COL4A5: variants seen among roughly 807,000 people sequenced by gnomAD.
COL4A5 encodes the protein collagen alpha-5(IV) chain.
Under a neutral mutation model 130.2 loss-of-function variants are expected in COL4A5, and 26 were observed. The observed-to-expected ratio is 0.20, with a 90% CI of 0.15 to 0.28. COL4A5 has a LOEUF of 0.28. Ranked by LOEUF, COL4A5 falls within the 10% of genes least tolerant of loss-of-function variation. COL4A5 has a pLI of 1.00. For synonymous variants in COL4A5, 496 were observed against 439.6 expected (o/e 1.13, Z -1.60); for missense variants, 1,131 against 1,344.3 (o/e 0.84, Z 2.48).
In COL4A5 at chrX:108,517,876, T is replaced by C. The variant is rs5973880; in HGVS notation, c.82-21870T>C. Among the ~76,000 whole-genome samples the C allele has an allele frequency of 4.0e-3, 447 of 111,224 alleles. 3 individuals carry two copies. Among genetic ancestry groups the C allele is most frequent in the African/African-American group, 0.013 (400 of 30,761 alleles). On this transcript the variant is annotated intron_variant, in intron 1 of 52. Transcript: ENST00000328300. ...TTTGAATACTCATAATATTTTATGT[T>C]TGTCTTATACCATTTATCTCATTCT... is the stretch of plus-strand genomic sequence containing the variant.
chrX:108,674,423 G>T, intron 42 of COL4A5: 1 of 198,608 alleles, frequency 5.0e-6, no homozygotes, highest in Non-Finnish European at 9.2e-6. Context: ...AATGTTTTGA[G>T]AAGCTAATTT....
rs146480148 is a variant in COL4A5, at chrX:108,501,583, C to T, written c.82-38163C>T. Among the ~76,000 whole-genome samples, 682 of 111,966 alleles carry T rather than the reference C, an allele frequency of 6.1e-3. 2 individuals are homozygous for T. Among genetic ancestry groups the T allele is most frequent in the East Asian group, 0.037 (132 of 3,563 alleles). On this transcript the variant is annotated intron_variant, in intron 1 of 52. Coordinates refer to ENST00000328300, the MANE Select transcript of COL4A5 (RefSeq NM_033380.3). ...TTCATTTCCTTTGCTCATTATTAGG[C>T]ACACTATAAGTATTGTGATATTTTC... is the stretch of plus-strand genomic sequence containing the variant.
intron 1 of COL4A5, among the ~76,000 whole-genome samples, chrX:108,534,077 T>C (rs931271091): frequency 2.7e-5 from 3 of 109,233 alleles, no homozygotes; most frequent in African/African-American, 1.0e-4. Flanking sequence ...AAGGGAACTC[T>C]TATATGCTGT....
chrX:108,673,055 C>A (rs986001224), intron 42 of COL4A5, among the ~76,000 whole-genome samples: 19 of 111,615 alleles, frequency 1.7e-4, no homozygotes, highest in African/African-American at 6.2e-4. Flanking sequence ...TATGACATGC[C>A]ACAATTTACA....
chrX:108,639,113 A>G (rs2067409753), intron 36 of COL4A5, among the ~76,000 whole-genome samples: 1 of 111,400 alleles, frequency 9.0e-6, no homozygotes, highest in Non-Finnish European at 1.9e-5. Flanking sequence ...AAAAAGAACC[A>G]GGTTGGAGGA....
In COL4A5 at chrX:108,599,457, A is replaced by ATGTGTGTGTG. The variant is rs112135923; in HGVS notation, c.1948+599_1948+608dup. Among the ~76,000 whole-genome samples, 3 of 106,596 alleles carry ATGTGTGTGTG rather than the reference A, an allele frequency of 2.8e-5. No individual in the cohort carries two copies. In the East Asian group the frequency reaches 9.0e-4, roughly 32 times the overall value. 92.6% of individuals were successfully genotyped at this position (106,596 alleles called of 115,157 possible). A position where few individuals can be genotyped will look rare whatever the true frequency, so the allele number is the denominator to read the frequency against. On this transcript the variant is annotated intron_variant, in intron 25 of 52. Coordinates refer to ENST00000328300, the MANE Select transcript of COL4A5 (RefSeq NM_033380.3). ...ATAGTATTTCATTGTATGTATGTTT[A>ATGTGTGTGTG]TGTGTGTGTGTGTGTGTGTGTTACA...
rs1156710426 is a variant in COL4A5 at position 108,524,515 on chromosome X, T to A, written c.82-15231T>A. On this transcript the variant is annotated intron_variant, in intron 1 of 52. Transcript: ENST00000328300. The stretch of plus-strand genomic sequence containing the variant: ...TTCATTTCATTAATTTCAGCTCAAA[T>A]CTTTATTATTTCCTTCTTTCTACTT... Among the ~76,000 whole-genome samples the A allele has an allele frequency of 2.7e-5, 3 of 111,329 alleles. No individual in the cohort carries two copies. In the Admixed American group the frequency reaches 2.9e-4, roughly 11 times the overall value.
At chrX:108,627,734 C>A in intron 36 of COL4A5, 1 of 201,773 alleles carries the variant, frequency 5.0e-6, no homozygotes, top group Non-Finnish European at 7.4e-6. Context: ...GTTTGCAAAC[C>A]CCAAATCCCC....
At position 108,597,555 on chromosome X, in the gene COL4A5, C is replaced by T. The variant is rs2066542878; in HGVS notation, c.1766C>T (p.Pro589Leu). 1.4e-5 allele frequency: 17 copies of T among 1,208,245 alleles called. No homozygotes were observed. Among genetic ancestry groups the T allele is most frequent in the East Asian group, 3.0e-5 (1 of 33,737 alleles). The change falls in exon 24 of 53, where the codon CCG becomes CTG. Residue 589 changes from proline (P) to leucine (L), a missense_variant. By Grantham distance (98) the Pro-to-Leu change is moderately conservative. Coordinates refer to ENST00000328300, the MANE Select transcript of COL4A5 (RefSeq NM_033380.3). ...GATGGATTGCCAGGGCTTCCTGGCCCGAAAGGAGAGCCTGTGAGTTGGTTT... is the reference window on the plus strand; with the variant it reads ...GATGGATTGCCAGGGCTTCCTGGCCTGAAAGGAGAGCCTGTGAGTTGGTTT... ...GQDGLPGLPG[P>L]KGEPGGITFK...
rs1256977625 is a variant in COL4A5, at chrX:108,607,748, T to A, written c.2395+856T>A. Among the ~76,000 whole-genome samples the A allele has an allele frequency of 3.2e-4, 36 of 111,331 alleles. No homozygotes were observed. In the Admixed American group the frequency reaches 3.4e-3, roughly 10 times the overall value. On this transcript the variant is annotated intron_variant, in intron 29 of 52. Coordinates refer to ENST00000328300, the MANE Select transcript of COL4A5 (RefSeq NM_033380.3). ...CCGCCCGCCTCGGCCTCTCAAAGTG[T>A]TGGGATCCTTCTGGTGTTTCTTATA...
At chrX:108,595,162 C>T (rs779837129) in intron 21 of COL4A5, among the ~76,000 whole-genome samples, 2 of 112,200 alleles carry the variant, frequency 1.8e-5, no homozygotes, top group East Asian at 2.8e-4. Context: ...TGCAGTCTGC[C>T]TATACTTAAT....
chrX:108,637,605 A>G (rs775277493), intron 36 of COL4A5, among the ~76,000 whole-genome samples: 3 of 111,935 alleles, frequency 2.7e-5, no homozygotes, highest in Non-Finnish European at 5.6e-5. Context: ...ATAAAAGAGG[A>G]GACATTACTA....
At chrX:108,473,633 A>ATATATATATATATATTT in intron 1 of COL4A5, among the ~76,000 whole-genome samples, 683 of 34,390 alleles carry the variant, frequency 0.02, 46 homozygotes, top group Non-Finnish European at 0.029. Flanking sequence ...ATATATATAT[A>ATATATATATATATATTT]TTTTTTTTTT....
Position 108,559,104 on chromosome X carries a change from T to C in COL4A5, c.182T>C (p.Leu61Ser). 2 of 1,211,267 alleles carry C rather than the reference T, an allele frequency of 1.7e-6. No individual in the cohort carries two copies. Among genetic ancestry groups the C allele is most frequent in the Non-Finnish European group, 2.2e-6 (2 of 895,042 alleles). The change falls in exon 3 of 53, where the codon TTG becomes TCG. Residue 61 changes from leucine to serine, a missense_variant. Transcript: ENST00000328300. ...CCAGGTTTGGAAGGACACCCAGGATTGCCTGGATTTCCAGGTCCAGAAGGG... is the reference window on the plus strand; with the variant it reads ...CCAGGTTTGGAAGGACACCCAGGATCGCCTGGATTTCCAGGTCCAGAAGGG... ...GFPGLEGHPG[L>S]PGFPGPEGPP... is the part of the protein sequence containing the mutation.
chrX:108,654,294 T>C (rs1305252344), intron 36 of COL4A5, among the ~76,000 whole-genome samples: 2 of 112,163 alleles, frequency 1.8e-5, no homozygotes, highest in Non-Finnish European at 3.7e-5. Flanking sequence ...TATACATATG[T>C]GAATTATCTC....
At chrX:108,489,727 T>G (rs2064978462) in intron 1 of COL4A5, among the ~76,000 whole-genome samples, 1 of 111,720 alleles carries the variant, frequency 9.0e-6, no homozygotes, top group African/African-American at 3.2e-5. Context: ...GAGTCCTGCT[T>G]TAATTTTAGC....
At chrX:108,482,677 G>A (rs1484198118) in intron 1 of COL4A5, among the ~76,000 whole-genome samples, 2 of 111,511 alleles carry the variant, frequency 1.8e-5, no homozygotes, top group East Asian at 5.6e-4. Context: ...TTCATTGCAG[G>A]CCAGTCACTC....
At chrX:108,666,693 A>G in intron 39 of COL4A5, 99 bp downstream of exon 39, 1 of 705,787 alleles carries the variant, frequency 1.4e-6, no homozygotes, top group Non-Finnish European at 2.2e-6. Flanking sequence ...CTTCTTTCTT[A>G]CTAAGCTACC....
In COL4A5 at chrX:108,602,966, T is replaced by C; in HGVS notation, c.2149T>C (p.Phe717Leu). 8.5e-7 allele frequency: 1 copy of C among 1,171,242 alleles called. No homozygotes were observed. Among genetic ancestry groups the C allele is most frequent in the African/African-American group, 1.8e-5 (1 of 56,947 alleles). Residue 717 changes from phenylalanine to leucine, a missense_variant and splice_region_variant, in exon 28 of 53, where the codon TTT becomes CTT. By Grantham distance (22) the Phe-to-Leu change is conservative. Transcript: ENST00000328300. ...GLPGPPGPKG[F>L]PGIPGPPGAP... is the part of the protein sequence containing the mutation. ...AAAAATGACTTATCATTTTACAGGC[T>C]TTCCTGGAATTCCAGGACCTCCAGG...
Sources: gnomAD v4.1 joint callset for allele counts (sites outside exome capture counted in the v4.1 genomes callset) on GRCh38, gnomAD v4.1.1 for gene constraint, MANE v1.5 for transcripts, NCBI Gene and HGNC (gene_info 2026-07-23, HGNC 2026-07-21) for gene names.